Variants in MGAT4C observed in about 807,000 individuals in gnomAD.
MGAT4C encodes the protein MGAT4 family member C.
A neutral mutation model predicts 40.1 loss-of-function variants in MGAT4C; 19 were observed. The observed-to-expected ratio is 0.47, with a 90% CI of 0.33 to 0.70. The LOEUF (loss-of-function observed/expected upper bound fraction) is 0.70, where lower values mean the gene tolerates loss of function less well. MGAT4C is among the 30% of genes least tolerant of loss of function. The probability of loss-of-function intolerance (pLI) is 0.02; values close to 1 mark genes in which losing one functional copy is unlikely to be tolerated. For missense variants in MGAT4C, 491 were observed against 563.2 expected (o/e 0.87, Z 1.30); for synonymous variants, 181 against 187.1 (o/e 0.97, Z 0.27).
At chr12:86,189,397 C>T (rs2135894890) in intron 1 of MGAT4C, among the ~76,000 whole-genome samples, 1 of 151,714 alleles carries the variant, frequency 6.6e-6, no homozygotes, top group East Asian at 1.9e-4. Flanking sequence ...CAGTAGCAGC[C>T]TCAACTTGTA....
intron 2 of MGAT4C, among the ~76,000 whole-genome samples, chr12:86,495,571 G>A (rs1327510884): frequency 6.6e-6 from 1 of 151,996 alleles, no homozygotes; most frequent in African/African-American, 2.4e-5. Context: ...ACCACTTCAA[G>A]CTGCAGATCT....
chr12:86,561,159 A>C (rs1472916791), intron 2 of MGAT4C, among the ~76,000 whole-genome samples: 1 of 152,190 alleles, frequency 6.6e-6, no homozygotes, highest in Non-Finnish European at 1.5e-5. Flanking sequence ...ATATTACACA[A>C]AACAATCAAC....
intron 1 of MGAT4C, among the ~76,000 whole-genome samples, chr12:86,146,153 A>ATGTTTTCT (rs1883482284): frequency 6.6e-6 from 1 of 152,164 alleles, no homozygotes; most frequent in Non-Finnish European, 1.5e-5. Context: ...TTTGTTTTCT[A>ATGTTTTCT]TGATCCGAAG....
At chr12:86,774,345 C>CTTTTCTTTCTTTCTTTCTTTCTT (rs1951708548) in intron 1 of MGAT4C, among the ~76,000 whole-genome samples, 5 of 14,910 alleles carry the variant, frequency 3.4e-4, no homozygotes, top group African/African-American at 1.3e-3. Context: ...CTTTCTGTCT[C>CTTTTCTTTCTTTCTTTCTTTCTT]TCTCTCTCCC....
Position 86,732,071 on chromosome 12 carries a change from C to G in MGAT4C, c.-261-4830G>C, listed in dbSNP as rs187442993. Among the ~76,000 whole-genome samples the G allele has an allele frequency of 1.8e-3, 272 of 152,256 alleles. 1 individual carries two copies. Among genetic ancestry groups the G allele is most frequent in the African/African-American group, 6.3e-3 (261 of 41,560 alleles). On this transcript the variant is annotated intron_variant, in intron 1 of 7. Coordinates refer to the MGAT4C transcript ENST00000548651. ...ATTTTCAGCCACCACTGGACATTTTCTCTCTATACCTTGTGCTTTGAAAAT... is the reference window on the plus strand; with the variant it reads ...ATTTTCAGCCACCACTGGACATTTTGTCTCTATACCTTGTGCTTTGAAAAT...
intron 2 of MGAT4C, among the ~76,000 whole-genome samples, chr12:86,535,859 T>C (rs1483976730): frequency 1.3e-5 from 2 of 152,074 alleles, no homozygotes; most frequent in Non-Finnish European, 2.9e-5. Flanking sequence ...TTTATTTGTA[T>C]GAAAGTTTGA....
chr12:86,068,353 CATT>C (rs1894759688), intron 1 of MGAT4C: 1 of 151,996 alleles, frequency 6.6e-6, no homozygotes, highest in Non-Finnish European at 1.5e-5. Context: ...TTGTCATCAT[CATT>C]GATATTAGTT....
chr12:86,173,533 A>G (rs2135839321), intron 1 of MGAT4C, among the ~76,000 whole-genome samples: 1 of 152,236 alleles, frequency 6.6e-6, no homozygotes, highest in African/African-American at 2.4e-5. Context: ...ATGAGCCACA[A>G]TATTTTCCAC....
intron 1 of MGAT4C, among the ~76,000 whole-genome samples, chr12:86,128,846 T>C (rs1054235633): frequency 7.2e-5 from 11 of 152,294 alleles, no homozygotes; most frequent in African/African-American, 2.4e-4. Context: ...GAGTTGATTT[T>C]TGTATAGGTG....
rs1277150591 is a variant in MGAT4C at position 86,191,672 on chromosome 12, CA to C, written c.-57+64566del. Reference sequence around the variant, plus strand: ...ACACACACACACACACACACACACACACCCTTATCTCCTGTAGCAAAATTCA... The same window carrying C: ...ACACACACACACACACACACACACACCCCTTATCTCCTGTAGCAAAATTCA... On this transcript the variant is annotated intron_variant, in intron 1 of 4. Transcript: ENST00000611864. Among the ~76,000 whole-genome samples the C allele has an allele frequency of 5.0e-3, 708 of 141,168 alleles. 2 individuals carry two copies. Among genetic ancestry groups the C allele is most frequent in the African/African-American group, 0.016 (598 of 37,274 alleles). 92.6% of individuals were successfully genotyped at this position (141,168 alleles called of 152,430 possible).
chr12:86,701,305 C>G (rs1322134995), intron 2 of MGAT4C, among the ~76,000 whole-genome samples: 1 of 151,932 alleles, frequency 6.6e-6, no homozygotes, highest in Non-Finnish European at 1.5e-5. Context: ...GTTTTTCCAA[C>G]AGCATGTGCT....
intron 1 of MGAT4C, among the ~76,000 whole-genome samples, chr12:86,740,157 G>A: frequency 6.6e-6 from 1 of 150,988 alleles, no homozygotes; most frequent in Non-Finnish European, 1.5e-5. Context: ...TGCAGACAAT[G>A]TTGAAAGCTA....
chr12:86,459,800 A>G (rs73387865), intron 2 of MGAT4C, among the ~76,000 whole-genome samples: 10,700 of 149,146 alleles, frequency 0.072, 907 homozygotes, highest in East Asian at 0.23. Context: ...CTACAGAAAC[A>G]AACCCCTTTC....
rs138082039 is a variant in MGAT4C, at chr12:86,095,923, T to C, written c.-56-46200A>G. ...TAATTATTATCAACACTGCTTACAT[T>C]GATATTTCTCTAATCCTTTGGTTGC... On this transcript the variant is annotated intron_variant, in intron 1 of 4. Coordinates refer to ENST00000611864, the MANE Select transcript of MGAT4C (RefSeq NM_001351288.2). Among the ~76,000 whole-genome samples the C allele has an allele frequency of 8.6e-3, 1,300 of 151,982 alleles. 8 individuals are homozygous for C. The highest frequency in any genetic ancestry group is 0.012 in the Non-Finnish European group (815 of 67,800).
At position 86,562,544 on chromosome 12, in the gene MGAT4C, C is replaced by T. The variant is rs78638890; in HGVS notation, c.-228-127279G>A. Reference sequence around the variant, plus strand: ...TTACACCTTTGTCTGAGGAGATTAACCCTGATTTGTCTGGGGCAAATGACC... The same window carrying T: ...TTACACCTTTGTCTGAGGAGATTAATCCTGATTTGTCTGGGGCAAATGACC... On this transcript the variant is annotated intron_variant, in intron 2 of 7. Coordinates refer to the MGAT4C transcript ENST00000548651. Among the ~76,000 whole-genome samples the T allele has an allele frequency of 5.4e-3, 829 of 152,196 alleles. 4 individuals carry two copies. Among genetic ancestry groups the T allele is most frequent in the Non-Finnish European group, 9.0e-3 (615 of 68,000 alleles).
intron 2 of MGAT4C, among the ~76,000 whole-genome samples, chr12:86,650,423 G>C (rs1338878593): frequency 6.6e-6 from 1 of 151,838 alleles, no homozygotes; most frequent in Non-Finnish European, 1.5e-5. Context: ...ATATTGCAAT[G>C]TAACCCTGTC....
intron 2 of MGAT4C, among the ~76,000 whole-genome samples, chr12:86,467,251 A>G (rs567785449): frequency 5.5e-4 from 84 of 152,256 alleles, no homozygotes; most frequent in South Asian, 5.0e-3. Flanking sequence ...AATTATTAGT[A>G]TGTACATGTT....
chr12:86,488,306 G>A (rs552380053), intron 2 of MGAT4C, among the ~76,000 whole-genome samples: 2 of 150,980 alleles, frequency 1.3e-5, no homozygotes, highest in Non-Finnish European at 3.0e-5. Context: ...CATGCCTATA[G>A]TTCCAGCTAC....
chr12:86,215,660 T>G (rs536820905), intron 1 of MGAT4C, among the ~76,000 whole-genome samples: 8 of 152,326 alleles, frequency 5.3e-5, no homozygotes, highest in African/African-American at 1.9e-4. Flanking sequence ...TGGGGAGCTC[T>G]CTGAACTCCT....
Sources: allele counts gnomAD v4.1 joint callset (sites outside exome capture counted in the v4.1 genomes callset), GRCh38; gene constraint gnomAD v4.1.1; transcripts MANE v1.5; gene names NCBI Gene and HGNC (gene_info 2026-07-23, HGNC 2026-07-21).